Variants in GULP1 observed in about 807,000 individuals in gnomAD.
GULP1 encodes PTB domain-containing engulfment adapter protein 1.
In GULP1, 19 loss-of-function variants were observed where a neutral mutation model predicts 40.9. The ratio of observed to expected loss-of-function variants is 0.46; its 90% CI spans 0.32 to 0.68. GULP1 has a LOEUF of 0.68. Ranked by LOEUF, GULP1 falls within the 30% of genes least tolerant of loss-of-function variation. GULP1 has a pLI of 0.03. For missense variants in GULP1, 312 were observed against 362.2 expected (o/e 0.86, Z 1.12); for synonymous variants, 119 against 117.6 (o/e 1.01, Z -0.08).
intron 4 of GULP1, among the ~76,000 whole-genome samples, chr2:188,494,785 A>G (rs1027703343): frequency 5.3e-5 from 8 of 151,630 alleles, no homozygotes; most frequent in Non-Finnish European, 1.0e-4. Context: ...TCTCTCTTAT[A>G]TGTTCTTTTT....
intron 9 of GULP1, among the ~76,000 whole-genome samples, chr2:188,580,042 G>A (rs1185625792): frequency 6.6e-6 from 1 of 152,070 alleles, no homozygotes; most frequent in Non-Finnish European, 1.5e-5. Context: ...AGATGCTCTG[G>A]TATAAATTAG....
intron 1 of GULP1, among the ~76,000 whole-genome samples, chr2:188,301,341 A>G (rs1459154127): frequency 6.6e-6 from 1 of 152,176 alleles, no homozygotes; most frequent in Non-Finnish European, 1.5e-5. Flanking sequence ...CCTTTTAATG[A>G]CAATGACATT....
intron 7 of GULP1, among the ~76,000 whole-genome samples, chr2:188,549,879 C>A (rs1692994768): frequency 6.6e-6 from 1 of 151,622 alleles, no homozygotes; most frequent in Non-Finnish European, 1.5e-5. Context: ...CTATAACATT[C>A]TTAAAATAGC....
intron 1 of GULP1, among the ~76,000 whole-genome samples, chr2:188,305,199 A>T (rs1017443699): frequency 6.6e-6 from 1 of 152,238 alleles, no homozygotes; most frequent in Non-Finnish European, 1.5e-5. Context: ...AAAGGATAAT[A>T]GAAAGGATGC....
intron 1 of GULP1, among the ~76,000 whole-genome samples, chr2:188,326,128 T>C (rs2040727310): frequency 6.6e-6 from 1 of 152,166 alleles, no homozygotes; most frequent in South Asian, 2.1e-4. Context: ...TTTGTTAGCT[T>C]ATTCTTTAAA....
At chr2:188,541,627 C>G in intron 7 of GULP1, 1 of 524,808 alleles carries the variant, frequency 1.9e-6, no homozygotes, top group Non-Finnish European at 3.3e-6. Flanking sequence ...CAATTTTAAA[C>G]TCAAATATGA....
chr2:188,558,098 T>A (rs978842058), intron 7 of GULP1, among the ~76,000 whole-genome samples: 1 of 152,174 alleles, frequency 6.6e-6, no homozygotes, highest in South Asian at 2.1e-4. Context: ...CTTGTGAAAA[T>A]TTCTGCAGCC....
chr2:188,434,619 TG>T (rs890738886), intron 2 of GULP1, among the ~76,000 whole-genome samples: 1 of 151,936 alleles, frequency 6.6e-6, no homozygotes, highest in Non-Finnish European at 1.5e-5. Context: ...TTTATATTTT[TG>T]TTTTTTTTAT....
At chr2:188,293,926 A>G (rs1365930457) in intron 1 of GULP1, 1 of 152,260 alleles carries the variant, frequency 6.6e-6, no homozygotes, top group Non-Finnish European at 1.5e-5. Context: ...TTCTTTTGCA[A>G]TGAGAATTTT....
At chr2:188,344,139 T>G (rs999269537) in intron 1 of GULP1, among the ~76,000 whole-genome samples, 1 of 152,202 alleles carries the variant, frequency 6.6e-6, no homozygotes, top group East Asian at 1.9e-4. Flanking sequence ...TTTGCACATA[T>G]ATAACGTGGC....
intron 1 of GULP1, among the ~76,000 whole-genome samples, chr2:188,344,064 T>A (rs2043310639): frequency 6.6e-6 from 1 of 152,138 alleles, no homozygotes; most frequent in African/African-American, 2.4e-5. Flanking sequence ...CGCCTCAGCC[T>A]CCCAAAGTGC....
At chr2:188,425,737 G>A (rs2056105019) in intron 2 of GULP1, among the ~76,000 whole-genome samples, 1 of 152,102 alleles carries the variant, frequency 6.6e-6, no homozygotes, top group Non-Finnish European at 1.5e-5. Context: ...ATCTATATGA[G>A]TACTGAGTTT....
intron 2 of GULP1, among the ~76,000 whole-genome samples, chr2:188,402,561 A>C (rs1257170316): frequency 1.3e-5 from 2 of 152,084 alleles, no homozygotes; most frequent in Admixed American, 1.3e-4. Flanking sequence ...CTTAGATTTC[A>C]ATAGAGATTT....
chr2:188,376,456 G>T (rs2048310668), intron 1 of GULP1, among the ~76,000 whole-genome samples: 1 of 152,178 alleles, frequency 6.6e-6, no homozygotes. Context: ...TGATGGAATT[G>T]AGTGAACAGT....
rs116604173 is a variant in GULP1 at position 188,496,530 on chromosome 2, G to A, written c.90+13038G>A. Among the ~76,000 whole-genome samples the A allele has an allele frequency of 5.7e-3, 871 of 152,048 alleles. 7 individuals carry two copies. Among genetic ancestry groups the A allele is most frequent in the Non-Finnish European group, 8.7e-3 (588 of 67,930 alleles). The stretch of plus-strand genomic sequence containing the variant: ...TGAGCAAGATTAAATATGCTCAAGC[G>A]TTGCCAGAAGAAACATGTCAATAAA... On this transcript the variant is annotated intron_variant, in intron 4 of 11. Coordinates refer to ENST00000409830, the MANE Select transcript of GULP1 (RefSeq NM_016315.4).
intron 7 of GULP1, among the ~76,000 whole-genome samples, chr2:188,551,226 A>G (rs2153374410): frequency 6.6e-6 from 1 of 151,698 alleles, no homozygotes; most frequent in East Asian, 1.9e-4. Context: ...CATTTATATT[A>G]ACTATAGTCA....
intron 9 of GULP1, among the ~76,000 whole-genome samples, chr2:188,577,867 C>G (rs1700467781): frequency 6.6e-6 from 1 of 152,026 alleles, no homozygotes; most frequent in Non-Finnish European, 1.5e-5. Flanking sequence ...TATGAATCAG[C>G]ATGGTAATCT....
intron 2 of GULP1, among the ~76,000 whole-genome samples, chr2:188,386,574 G>GT (rs1268615260): frequency 6.6e-6 from 1 of 151,094 alleles, no homozygotes; most frequent in East Asian, 1.9e-4. Flanking sequence ...TTTTTATTTT[G>GT]TATTTATTAT....
chr2:188,331,883 G>A (rs1289534137), intron 1 of GULP1, among the ~76,000 whole-genome samples: 2 of 151,752 alleles, frequency 1.3e-5, no homozygotes, highest in Non-Finnish European at 2.9e-5. Flanking sequence ...ATTTTTACTT[G>A]TCTTCATATC....
Sources: gnomAD v4.1 joint callset for allele counts (sites outside exome capture counted in the v4.1 genomes callset) on GRCh38, gnomAD v4.1.1 for gene constraint, MANE v1.5 for transcripts, NCBI Gene and HGNC (gene_info 2026-07-23, HGNC 2026-07-21) for gene names.